GALNTL6: variants seen among roughly 807,000 people sequenced by gnomAD.
The protein encoded by GALNTL6 is polypeptide N-acetylgalactosaminyltransferase-like 6.
Under a neutral mutation model 73.7 loss-of-function variants are expected in GALNTL6, and 46 were observed. The ratio of observed to expected loss-of-function variants is 0.62; its 90% CI spans 0.49 to 0.80. GALNTL6 has a LOEUF of 0.80. GALNTL6 is among the 30% of genes least tolerant of loss of function. GALNTL6 has a pLI of 0.00. For synonymous variants in GALNTL6, 259 were observed against 263.7 expected (o/e 0.98, Z 0.17); for missense variants, 604 against 755.0 (o/e 0.80, Z 2.34).
At chr4:172,067,242 C>T (rs949308009) in intron 2 of GALNTL6, among the ~76,000 whole-genome samples, 35 of 152,030 alleles carry the variant, frequency 2.3e-4, no homozygotes, top group Non-Finnish European at 4.7e-4. Flanking sequence ...AATTACAGGG[C>T]TCCAGTCTTG....
chr4:172,552,462 A>C (rs1735988628), intron 5 of GALNTL6, among the ~76,000 whole-genome samples: 1 of 152,144 alleles, frequency 6.6e-6, no homozygotes, highest in South Asian at 2.1e-4. Context: ...ATGAAAAATA[A>C]AAGTCAATGC....
intron 8 of GALNTL6, among the ~76,000 whole-genome samples, chr4:172,913,073 C>G (rs979127120): frequency 6.6e-6 from 1 of 152,190 alleles, no homozygotes; most frequent in Admixed American, 6.5e-5. Flanking sequence ...TGCTGTTCTG[C>G]CACCTCCGCT....
chr4:171,876,773 C>G (rs994959896), intron 2 of GALNTL6, among the ~76,000 whole-genome samples: 1 of 152,168 alleles, frequency 6.6e-6, no homozygotes, highest in Non-Finnish European at 1.5e-5. Flanking sequence ...TTTTGTTCAG[C>G]AAGCAGAGAA....
intron 2 of GALNTL6, among the ~76,000 whole-genome samples, chr4:172,047,471 C>A (rs561000770): frequency 1.3e-5 from 2 of 152,122 alleles, no homozygotes; most frequent in Non-Finnish European, 2.9e-5. Flanking sequence ...GTGCTTTCCT[C>A]TTCCTTTTCC....
intron 2 of GALNTL6, among the ~76,000 whole-genome samples, chr4:172,179,651 T>G (rs1735169801): frequency 6.7e-6 from 1 of 148,212 alleles, no homozygotes; most frequent in South Asian, 2.1e-4. Flanking sequence ...GCAGAAGCTC[T>G]TTAGTTTAAT....
At chr4:172,076,819 A>T (rs1333116171) in intron 2 of GALNTL6, among the ~76,000 whole-genome samples, 1 of 152,212 alleles carries the variant, frequency 6.6e-6, no homozygotes, top group Non-Finnish European at 1.5e-5. Flanking sequence ...GGATTACAAC[A>T]TAAGGCCAAT....
intron 2 of GALNTL6, among the ~76,000 whole-genome samples, chr4:172,117,268 C>T (rs1335494924): frequency 3.3e-5 from 5 of 151,980 alleles, no homozygotes; most frequent in East Asian, 1.9e-4. Context: ...TTAAACTGAC[C>T]GTATTATATG....
intron 8 of GALNTL6, among the ~76,000 whole-genome samples, chr4:172,901,066 A>G (rs1746603523): frequency 6.6e-6 from 1 of 152,130 alleles, no homozygotes; most frequent in South Asian, 2.1e-4. Context: ...GTTTTTGTCT[A>G]GAAACCATGG....
intron 8 of GALNTL6, among the ~76,000 whole-genome samples, chr4:172,905,364 A>C (rs543749720): frequency 1.3e-3 from 205 of 152,306 alleles, no homozygotes; most frequent in African/African-American, 4.6e-3. Context: ...TTCCTCTCTG[A>C]CCTTTATTAA....
intron 8 of GALNTL6, among the ~76,000 whole-genome samples, chr4:172,899,480 C>T (rs1746507940): frequency 7.4e-6 from 1 of 136,010 alleles, no homozygotes; most frequent in Admixed American, 6.8e-5. Flanking sequence ...CTTTTGGGTT[C>T]TTCTGTTGTT....
At chr4:172,091,510 G>C (rs1300476665) in intron 2 of GALNTL6, among the ~76,000 whole-genome samples, 1 of 152,130 alleles carries the variant, frequency 6.6e-6, no homozygotes, top group African/African-American at 2.4e-5. Flanking sequence ...TAAGGTATCA[G>C]ACCAGTTTTT....
rs376159205 is a variant in GALNTL6, at chr4:171,925,301, A to T, written c.138+110583A>T. 3.9e-5 allele frequency among the ~76,000 whole-genome samples: 6 copies of T among 152,246 alleles called. No individual in the cohort carries two copies. In the East Asian group the frequency reaches 9.7e-4, roughly 25 times the overall value. On this transcript the variant is annotated intron_variant, in intron 2 of 12. Coordinates refer to ENST00000506823, the MANE Select transcript of GALNTL6 (RefSeq NM_001034845.3). ...TTTTTAGGTAGAAATTCCGATTAAA[A>T]TATGAAAAGGGATTCTTTTGTAAAA...
chr4:172,494,115 T>G (rs748856725), intron 5 of GALNTL6, among the ~76,000 whole-genome samples: 1 of 152,188 alleles, frequency 6.6e-6, no homozygotes, highest in Non-Finnish European at 1.5e-5. Context: ...TCTTTGTATA[T>G]AGCAACATAA....
At chr4:172,989,423 T>A (rs1475890176) in intron 10 of GALNTL6, among the ~76,000 whole-genome samples, 1 of 152,182 alleles carries the variant, frequency 6.6e-6, no homozygotes, top group Non-Finnish European at 1.5e-5. Context: ...GAGGTGATTA[T>A]ATTTTGCAAT....
At chr4:172,501,473 A>G (rs1734258253) in intron 5 of GALNTL6, among the ~76,000 whole-genome samples, 1 of 152,188 alleles carries the variant, frequency 6.6e-6, no homozygotes, top group African/African-American at 2.4e-5. Context: ...TTTGAAATAC[A>G]CAAAGAAACA....
intron 7 of GALNTL6, among the ~76,000 whole-genome samples, chr4:172,817,938 T>C (rs1741704819): frequency 6.6e-6 from 1 of 152,254 alleles, no homozygotes; most frequent in African/African-American, 2.4e-5. Flanking sequence ...AATTGGTCTT[T>C]AATGACAGAG....
At chr4:172,914,697 A>T (rs1747405773) in intron 8 of GALNTL6, among the ~76,000 whole-genome samples, 1 of 152,232 alleles carries the variant, frequency 6.6e-6, no homozygotes. Context: ...AAGAAGAGCT[A>T]ACTATCCTAA....
intron 5 of GALNTL6, among the ~76,000 whole-genome samples, chr4:172,532,041 G>A (rs1015291120): frequency 6.6e-6 from 1 of 152,140 alleles, no homozygotes; most frequent in South Asian, 2.1e-4. Flanking sequence ...ATTCTTGTGC[G>A]GCTGACGTGG....
intron 2 of GALNTL6, among the ~76,000 whole-genome samples, chr4:171,971,189 A>G (rs1332157861): frequency 6.6e-6 from 1 of 152,218 alleles, no homozygotes; most frequent in Non-Finnish European, 1.5e-5. Flanking sequence ...ATTTGAGAAA[A>G]AATGAAAATG....
Sources: allele counts gnomAD v4.1 joint callset (sites outside exome capture counted in the v4.1 genomes callset), GRCh38; gene constraint gnomAD v4.1.1; transcripts MANE v1.5; gene names NCBI Gene and HGNC (gene_info 2026-07-23, HGNC 2026-07-21).